Variants in ETFB observed in about 807,000 individuals in gnomAD.
ETFB encodes the protein beta-ETF.
A neutral mutation model predicts 25.6 loss-of-function variants in ETFB; 20 were observed. The observed-to-expected ratio is 0.78, with a 90% CI of 0.55 to 1.14. ETFB has a LOEUF of 1.14. Among genes scored for constraint, ETFB ranks in the 50% most tolerant of loss-of-function variants. The pLI is 0.00. For synonymous variants in ETFB, 142 were observed against 146.7 expected (o/e 0.97, Z 0.23); for missense variants, 286 against 342.6 (o/e 0.83, Z 1.30).
chr19:51,353,206 G>T lies in ETFB; in HGVS notation c.301C>A (p.Pro101Thr). 1.2e-6 allele frequency: 2 copies of T among 1,614,114 alleles called. No individual in the cohort carries two copies. Among genetic ancestry groups the T allele is most frequent in the Non-Finnish European group, 1.7e-6 (2 of 1,180,008 alleles). The change falls in exon 3 of 6, where the codon CCC (proline) becomes ACC (threonine). Residue 101 changes from proline to threonine, a missense_variant. Coordinates refer to ENST00000309244, the MANE Select transcript of ETFB (RefSeq NM_001985.3). Reference protein sequence around the residue: ...VPPAEAERLGPLQVARVLAKL... With the variant: ...VPPAEAERLGTLQVARVLAKL... ...GCCAGGACCCGAGCCACCTGCAGGG[G>T]ACCCAAGCGTTCTGCTTCTGCTGGG...
chr19:51,356,030 C>T (rs1187667396), intron 1 of ETFB: 1 of 151,118 alleles, frequency 6.6e-6, no homozygotes, highest in Non-Finnish European at 1.5e-5. Context: ...CAACATGGCA[C>T]ATATAAACAC....
At position 51,345,292 on chromosome 19, in the gene ETFB, G is replaced by C. The variant is rs200877363; in HGVS notation, c.687C>G (p.Asp229Glu). The C allele has an allele frequency of 3.7e-6, 6 of 1,614,110 alleles. No homozygotes were observed. The South Asian group carries it at 6.6e-5, about 18-fold the overall frequency. ...TGACGCCGGCCGTGCGCTGGGGCGGGTCCTCCACACTGATCACAGAGAGCT... is the reference window on the plus strand; with the variant it reads ...TGACGCCGGCCGTGCGCTGGGGCGGCTCCTCCACACTGATCACAGAGAGCT... ...TSKLSVISVEDPPQRTAGVKV... is the reference protein window; with the variant it reads ...TSKLSVISVEEPPQRTAGVKV... Residue 229 changes from aspartate to glutamate, a missense_variant, in exon 6 of 6, where the codon GAC becomes GAG. By Grantham distance (45) the Asp-to-Glu change is conservative (BLOSUM62 2). Transcript: ENST00000309244.
rs923365001 is a variant in ETFB, at chr19:51,353,259, G to T, written c.248C>A (p.Ala83Glu). The stretch of plus-strand genomic sequence containing the variant: ...CACCTCCACGTGGATACCTCGGTCT[G>T]CACCCATGGCCAGGGCGGTACGAAT... ...ETIRTALAMG[A>E]DRGIHVEVPP... Residue 83 changes from alanine (A) to glutamate (E), a missense_variant, in exon 3 of 6, where the codon GCA (alanine) becomes GAA (glutamate). Transcript: ENST00000309244. 6.2e-7 allele frequency: 1 copy of T among 1,614,028 alleles called. No homozygotes were observed. The highest frequency in any genetic ancestry group is 1.3e-5 in the African/African-American group (1 of 75,014).
chr19:51,362,162 TACACACACACACACACACACACACACAC>T (rs59581815), intron 1 of ETFB, among the ~76,000 whole-genome samples: 1 of 144,546 alleles, frequency 6.9e-6, no homozygotes, highest in Non-Finnish European at 1.5e-5. Flanking sequence ...CGGACACACA[TACACACACACACACACACACACACACAC>T]ACACACACAC....
At position 51,361,519 on chromosome 19, in the gene ETFB, G is replaced by A. The variant is rs138171714; in HGVS notation, c.57+4751C>T. Among the ~76,000 whole-genome samples, 327 of 152,250 alleles carry A rather than the reference G, an allele frequency of 2.1e-3. 2 individuals carry two copies. Among genetic ancestry groups the A allele is most frequent in the African/African-American group, 7.5e-3 (313 of 41,534 alleles). ...AGAGCAGGAGGGGCAAGTGCGTGGA[G>A]CCCAAAGAGGAAAACCTGAAGAAAC... On this transcript the variant is annotated intron_variant, in intron 1 of 5. Transcript: ENST00000309244.
intron 1 of ETFB, among the ~76,000 whole-genome samples, chr19:51,362,325 C>A (rs988690957): frequency 3.3e-5 from 5 of 152,234 alleles, no homozygotes; most frequent in Middle Eastern, 3.4e-3. Flanking sequence ...CACCTGTAAT[C>A]CCAGCACGTT....
chr19:51,353,225 T>C lies in ETFB; in HGVS notation c.282A>G (p.Ala94=), dbSNP rs529873909. The C allele has an allele frequency of 4.7e-5, 76 of 1,614,112 alleles. No homozygotes were observed. The South Asian group carries it at 7.0e-4, about 15-fold the overall frequency. Residue 94 remains alanine (A), a synonymous_variant, in exon 3 of 6, where the codon GCA becomes GCG. Transcript: ENST00000309244. ...GCAGGGGACCCAAGCGTTCTGCTTC[T>C]GCTGGGGGCACCTCCACGTGGATAC... ...DRGIHVEVPP[A]EAERLGPLQV...
At chr19:51,356,403 A>G (rs536146190) in intron 1 of ETFB, 10 of 152,152 alleles carry the variant, frequency 6.6e-5, no homozygotes, top group African/African-American at 2.4e-4. Context: ...GACATTTTCT[A>G]CCCTTTTTCG....
At chr19:51,361,449 C>T (rs1210571483) in intron 1 of ETFB, among the ~76,000 whole-genome samples, 2 of 152,146 alleles carry the variant, frequency 1.3e-5, no homozygotes, top group Non-Finnish European at 2.9e-5. Flanking sequence ...CCTGAGGTGA[C>T]ATGTGAGCCC....
intron 1 of ETFB, chr19:51,354,599 A>G: frequency 6.2e-7 from 1 of 1,613,472 alleles, no homozygotes. Flanking sequence ...GTGTTTCTCA[A>G]ATTTACAGTA....
At chr19:51,355,358 C>T (rs188088941) in intron 1 of ETFB, 1 of 152,280 alleles carries the variant, frequency 6.6e-6, no homozygotes, top group Admixed American at 6.5e-5. Context: ...TCATCACTGG[C>T]CATCAGAGAA....
chr19:51,353,046 C>A, intron 3 of ETFB, 86 bp downstream of exon 3: 1 of 1,554,124 alleles, frequency 6.4e-7, no homozygotes, highest in Non-Finnish European at 8.8e-7. Flanking sequence ...TGGGCCTGGC[C>A]AGCTGCTGTC....
rs1340125812 is a variant in ETFB, at chr19:51,347,028, C to A, written c.469G>T (p.Gly157Trp). ...TCCCGCTCCACTTTCAACTTGTCCCCCTCCAGCGTCACCTGGGAGGCGAAT... is the reference window on the plus strand; with the variant it reads ...TCCCGCTCCACTTTCAACTTGTCCCACTCCAGCGTCACCTGGGAGGCGAAT... ...GTFASQVTLE[G>W]DKLKVEREID... is the part of the protein sequence containing the mutation. The change falls in exon 5 of 6, where the codon GGG (glycine) becomes TGG (tryptophan). Residue 157 changes from glycine (G) to tryptophan (W), a missense_variant. Physicochemically the swap from Gly to Trp is radical, Grantham distance 184. Transcript: ENST00000309244. The A allele has an allele frequency of 6.2e-7, 1 of 1,613,812 alleles. No individual in the cohort carries two copies. Among genetic ancestry groups the A allele is most frequent in the Non-Finnish European group, 8.5e-7 (1 of 1,179,938 alleles).
chr19:51,350,428 G>A (rs1307736107), intron 3 of ETFB, 37 bp from the exon 4 acceptor site: 1 of 1,111,320 alleles, frequency 9.0e-7, no homozygotes, highest in African/African-American at 1.5e-5. Flanking sequence ...ATGACAATCA[G>A]TGGAGCTCAT....
chr19:51,355,749 A>G (rs971698122), intron 1 of ETFB: 1 of 151,850 alleles, frequency 6.6e-6, no homozygotes, highest in African/African-American at 2.4e-5. Context: ...ACACCATGGA[A>G]TACTATGCAG....
At chr19:51,355,701 A>G (rs1986062369) in intron 1 of ETFB, 1 of 152,126 alleles carries the variant, frequency 6.6e-6, no homozygotes, top group South Asian at 2.1e-4. Context: ...CCAAATGTCC[A>G]ACAATGATAG....
chr19:51,354,635 A>G (rs536800464), intron 1 of ETFB: 2 of 1,613,640 alleles, frequency 1.2e-6, no homozygotes, highest in African/African-American at 1.3e-5. Flanking sequence ...AGTGAGAGGT[A>G]CATTTTACTG....
Position 51,346,933 on chromosome 19 carries a change from G to A in ETFB, c.564C>T (p.Asn188=), listed in dbSNP as rs570126169. 38 of 1,575,872 alleles carry A rather than the reference G, an allele frequency of 2.4e-5. 1 individual carries two copies. Among genetic ancestry groups the A allele is most frequent in the Admixed American group, 1.1e-4 (6 of 53,848 alleles). Residue 188 remains asparagine (N), a synonymous_variant, in exon 5 of 6, where the codon AAC becomes AAT. Coordinates refer to ENST00000309244, the MANE Select transcript of ETFB (RefSeq NM_001985.3). ...TGGGCAGCGTGGCGTAGCGGGGCTC[G>A]TTGAGCCTCAGGTCAGCTGTCACCA... is the stretch of plus-strand genomic sequence containing the variant. ...PAVVTADLRL[N]EPRYATLPNI...
intron 3 of ETFB, among the ~76,000 whole-genome samples, chr19:51,352,193 T>G (rs1985947442): frequency 1.3e-5 from 2 of 151,968 alleles, no homozygotes; most frequent in Admixed American, 6.6e-5. Flanking sequence ...GCCTCCAATT[T>G]CCCATTCCAG....
Sources: allele counts gnomAD v4.1 joint callset (sites outside exome capture counted in the v4.1 genomes callset), GRCh38; gene constraint gnomAD v4.1.1; transcripts MANE v1.5; gene names NCBI Gene and HGNC (gene_info 2026-07-23, HGNC 2026-07-21).